The following EYS variants were observed in gnomAD, a reference collection of about 807,000 sequenced individuals.
EYS encodes protein eyes shut homolog.
EYS carries 250 observed loss-of-function variants against 282.1 expected under a neutral mutation model. The ratio of observed to expected loss-of-function variants is 0.89; its 90% CI spans 0.80 to 0.98. EYS has a LOEUF of 0.98. Among genes scored for constraint, EYS ranks in the 50% least tolerant of loss-of-function variants. The pLI is 0.00. For missense variants in EYS, 4,016 were observed against 3,709.0 expected, an observed-to-expected ratio of 1.08 and a Z score of -2.15; for synonymous variants, 1,355 against 1,282.9, an observed-to-expected ratio of 1.06 and a Z score of -1.20.
chr6:63,758,676 C>A (rs1769556955), intron 41 of EYS, among the ~76,000 whole-genome samples: 1 of 152,042 alleles, frequency 6.6e-6, no homozygotes, highest in Admixed American at 6.6e-5. Context: ...GCTCGCTTTT[C>A]TATTTTTCTT....
rs1273909244 is a variant in EYS, at chr6:64,766,647, AAAATATATATATATATAT to A, written c.3443+46713_3443+46730del. Among the ~76,000 whole-genome samples, 61 of 11,950 alleles carry A rather than the reference AAAATATATATATATATAT, an allele frequency of 5.1e-3. 1 individual carries two copies. The highest frequency in any genetic ancestry group is 0.011 in the African/African-American group (55 of 5,118). The allele number at this position is 11,950 out of a possible 152,430, so 7.8% of individuals were successfully genotyped here. On this transcript the variant is annotated intron_variant, in intron 22 of 42. Transcript: ENST00000503581. ...ACTCCGTCTCAAAAAAAAAAAAAAA[AAAATATATATATATATAT>A]ATATATATATATATATATAAAATCT... is the stretch of plus-strand genomic sequence containing the variant.
chr6:64,533,970 A>G lies in EYS; in HGVS notation c.5644+56253T>C, dbSNP rs779084252. 2.0e-4 allele frequency among the ~76,000 whole-genome samples: 30 copies of G among 152,074 alleles called. 1 individual carries two copies. The highest frequency in any genetic ancestry group is 4.6e-4 in the Admixed American group (7 of 15,288). ...AGAGGACATAGAGAGATAAGAATAT[A>G]CAAAACTAATCTATGGTATTAGAAA... On this transcript the variant is annotated intron_variant, in intron 26 of 42. Coordinates refer to ENST00000503581, the MANE Select transcript of EYS (RefSeq NM_001142800.2).
intron 30 of EYS, among the ~76,000 whole-genome samples, chr6:64,271,365 A>G (rs1430703960): frequency 1.3e-5 from 2 of 152,106 alleles, no homozygotes; most frequent in Admixed American, 6.6e-5. Context: ...GGAAATAATC[A>G]TTTGTCATTT....
At chr6:65,168,068 C>T (rs1204952374) in intron 12 of EYS, among the ~76,000 whole-genome samples, 2 of 143,386 alleles carry the variant, frequency 1.4e-5, no homozygotes, top group East Asian at 2.0e-4. Context: ...GCTGTATTCT[C>T]TATTTTTTTC....
intron 26 of EYS, among the ~76,000 whole-genome samples, chr6:64,541,242 T>A (rs114671027): frequency 0.011 from 1,674 of 152,302 alleles, 35 homozygotes; most frequent in African/African-American, 0.037. Context: ...TACTAAGTTA[T>A]CTTTATAGTT....
chr6:64,662,769 T>C (rs1010845976), intron 22 of EYS, among the ~76,000 whole-genome samples: 6 of 152,178 alleles, frequency 3.9e-5, no homozygotes, highest in South Asian at 4.1e-4. Flanking sequence ...ATTTTTGTTT[T>C]ATAAATGAGA....
chr6:64,416,544 T>C (rs1774063865), intron 28 of EYS, among the ~76,000 whole-genome samples: 1 of 150,652 alleles, frequency 6.6e-6, no homozygotes, highest in Non-Finnish European at 1.5e-5. Flanking sequence ...TTTCCTCTGG[T>C]TTGTTTTGTC....
intron 2 of EYS, among the ~76,000 whole-genome samples, chr6:65,636,952 C>A (rs900890967): frequency 6.6e-6 from 1 of 152,134 alleles, no homozygotes; most frequent in Admixed American, 6.5e-5. Context: ...GCTGGGACTA[C>A]CAGTTTACAC....
At chr6:65,025,070 T>C (rs1277329083) in intron 13 of EYS, among the ~76,000 whole-genome samples, 1 of 152,232 alleles carries the variant, frequency 6.6e-6, no homozygotes, top group Admixed American at 6.5e-5. Context: ...AATTCACATT[T>C]AAATTTCCAA....
intron 19 of EYS, among the ~76,000 whole-genome samples, chr6:64,864,710 T>C (rs1016407180): frequency 1.3e-5 from 2 of 151,382 alleles, no homozygotes; most frequent in African/African-American, 4.9e-5. Flanking sequence ...AATGGACTCA[T>C]CTGAGATTGA....
chr6:65,181,631 G>C (rs841522), intron 12 of EYS, among the ~76,000 whole-genome samples: 1 of 152,048 alleles, frequency 6.6e-6, no homozygotes, highest in Non-Finnish European at 1.5e-5. Flanking sequence ...TAGTTCAACC[G>C]TTGTGGAAAT....
At chr6:64,569,055 A>G (rs1765642840) in intron 26 of EYS, among the ~76,000 whole-genome samples, 3 of 151,768 alleles carry the variant, frequency 2.0e-5, no homozygotes, top group Non-Finnish European at 4.4e-5. Flanking sequence ...CAGCAAAAAA[A>G]GGCTGAAAAT....
At chr6:65,314,159 A>C (rs1769235564) in intron 11 of EYS, among the ~76,000 whole-genome samples, 1 of 151,742 alleles carries the variant, frequency 6.6e-6, no homozygotes, top group Admixed American at 6.6e-5. Flanking sequence ...ACATGCTTAC[A>C]TGCTTCCTTA....
At chr6:64,825,342 T>G (rs1018750029) in intron 19 of EYS, among the ~76,000 whole-genome samples, 3 of 151,934 alleles carry the variant, frequency 2.0e-5, no homozygotes, top group African/African-American at 7.2e-5. Flanking sequence ...TAAGATGTAT[T>G]CATCTTTTTT....
intron 22 of EYS, among the ~76,000 whole-genome samples, chr6:64,725,052 TAAAG>T (rs1771708835): frequency 6.6e-6 from 1 of 152,026 alleles, no homozygotes; most frequent in South Asian, 2.1e-4. Context: ...GGTTAATAAA[TAAAG>T]AAGAAAGTAA....
intron 2 of EYS, among the ~76,000 whole-genome samples, chr6:65,510,166 C>A: frequency 1.0e-5 from 1 of 100,418 alleles, no homozygotes; most frequent in Non-Finnish European, 1.9e-5. Context: ...TGCTATCCCT[C>A]CCCCCTCCCC....
chr6:65,006,202 G>A (rs538923347), intron 13 of EYS, among the ~76,000 whole-genome samples: 248 of 151,560 alleles, frequency 1.6e-3, no homozygotes, highest in African/African-American at 5.6e-3. Flanking sequence ...AGAGAGAGAC[G>A]GAGAGAGAGA....
intron 31 of EYS, among the ~76,000 whole-genome samples, chr6:64,151,784 G>T (rs879810501): frequency 6.6e-6 from 1 of 152,114 alleles, no homozygotes; most frequent in Non-Finnish European, 1.5e-5. Context: ...ATATTTGGAG[G>T]TGACTCTGGA....
intron 11 of EYS, chr6:65,329,918 T>C: frequency 1.0e-6 from 1 of 979,280 alleles, no homozygotes; most frequent in South Asian, 4.7e-5. Context: ...GAAACAGAAC[T>C]CTTACTTATA....
Sources: gnomAD v4.1 joint callset for allele counts (sites outside exome capture counted in the v4.1 genomes callset) on GRCh38, gnomAD v4.1.1 for gene constraint, MANE v1.5 for transcripts, NCBI Gene and HGNC (gene_info 2026-07-23, HGNC 2026-07-21) for gene names.